Variants in AKAP11 observed in about 807,000 individuals in gnomAD.
The protein encoded by AKAP11 is A-kinase anchor protein 11.
In AKAP11, 36 loss-of-function variants were observed where a neutral mutation model predicts 146.1. That is an observed-to-expected ratio of 0.25 (90% CI 0.19 to 0.33). The LOEUF (loss-of-function observed/expected upper bound fraction) is 0.33, where lower values mean the gene tolerates loss of function less well. Ranked by LOEUF, AKAP11 falls within the 10% of genes least tolerant of loss-of-function variation. The pLI is 1.00. For synonymous variants in AKAP11, 780 were observed against 786.5 expected (o/e 0.99, Z 0.14); for missense variants, 2,201 against 2,197.0 (o/e 1.00, Z -0.04).
rs1049203809 is a variant in AKAP11 at position 42,312,099 on chromosome 13, T to C, written c.5274-948T>C. On this transcript the variant is annotated intron_variant, in intron 9 of 12. Coordinates refer to ENST00000025301, the MANE Select transcript of AKAP11 (RefSeq NM_016248.4). The stretch of plus-strand genomic sequence containing the variant: ...GAACCAAAATTTTGGTTTGTATAAA[T>C]ATTACTTTTTATAATTGCCTAGCAT... Among the ~76,000 whole-genome samples the C allele has an allele frequency of 5.9e-5, 9 of 152,304 alleles. No homozygotes were observed. The East Asian group carries it at 1.7e-3, about 29-fold the overall frequency.
chr13:42,281,430 T>G (rs1959056234), intron 1 of AKAP11, among the ~76,000 whole-genome samples: 1 of 151,830 alleles, frequency 6.6e-6, no homozygotes, highest in Non-Finnish European at 1.5e-5. Flanking sequence ...AGGAAGAGAG[T>G]CAAGATATGG....
In AKAP11 at chr13:42,302,189, G is replaced by A. The variant is rs1403476629; in HGVS notation, c.3443G>A (p.Ser1148Asn). The change falls in exon 8 of 13, where the codon AGT becomes AAT. Residue 1148 changes from serine (S) to asparagine (N), a missense_variant. Coordinates refer to ENST00000025301, the MANE Select transcript of AKAP11 (RefSeq NM_016248.4). ...PSTPHNSSVGSLSENEQNTIE... is the reference protein window; with the variant it reads ...PSTPHNSSVGNLSENEQNTIE... ...ACTCCACACAACTCATCTGTTGGTA[G>A]TTTGTCTGAGAATGAACAAAATACT... The A allele has an allele frequency of 4.3e-6, 7 of 1,614,064 alleles. No homozygotes were observed. The highest frequency in any genetic ancestry group is 4.0e-5 in the African/African-American group (3 of 74,946).
chr13:42,297,233 T>C (rs1959569083), intron 6 of AKAP11, 51 bp downstream of exon 6: 1 of 1,314,614 alleles, frequency 7.6e-7, no homozygotes, highest in African/African-American at 1.5e-5. Context: ...AATTTTACTA[T>C]ATTTGATAAA....
At chr13:42,289,450 TTTTA>T in intron 3 of AKAP11, among the ~76,000 whole-genome samples, 1 of 152,326 alleles carries the variant, frequency 6.6e-6, no homozygotes. Context: ...TTTTATAACC[TTTTA>T]TTTCTTTACA....
intron 1 of AKAP11, among the ~76,000 whole-genome samples, chr13:42,275,635 TGTTCTAACCA>T: frequency 6.6e-6 from 1 of 152,240 alleles, no homozygotes; most frequent in East Asian, 1.9e-4. Flanking sequence ...AGCTTGGTAA[TGTTCTAACCA>T]GATCTAACCA....
At chr13:42,295,803 G>A in intron 5 of AKAP11, 61 bp downstream of exon 5, 1 of 1,490,272 alleles carries the variant, frequency 6.7e-7, no homozygotes, top group South Asian at 1.2e-5. Flanking sequence ...CTTTAGGTTT[G>A]ACCACAAAAG....
chr13:42,287,228 C>T (rs9525603), intron 3 of AKAP11, among the ~76,000 whole-genome samples: 19,453 of 151,984 alleles, frequency 0.13, 1,388 homozygotes, highest in South Asian at 0.2. Context: ...GGATGGCTTC[C>T]AAATCTACAG....
chr13:42,291,395 G>T (rs766624415), intron 3 of AKAP11, among the ~76,000 whole-genome samples: 3 of 152,184 alleles, frequency 2.0e-5, no homozygotes, highest in Non-Finnish European at 4.4e-5. Flanking sequence ...TGGGATTACA[G>T]GCACGTGGCA....
chr13:42,318,673 ATGT>A (rs1960943706), intron 12 of AKAP11, among the ~76,000 whole-genome samples: 1 of 152,228 alleles, frequency 6.6e-6, no homozygotes, highest in South Asian at 2.1e-4. Context: ...GCCACACTAT[ATGT>A]TGTGGAAGGA....
Position 42,299,438 on chromosome 13 carries a change from A to T in AKAP11, c.692A>T (p.His231Leu), listed in dbSNP as rs374058376. 1.2e-6 allele frequency: 2 copies of T among 1,613,782 alleles called. No homozygotes were observed. Among genetic ancestry groups the T allele is most frequent in the African/African-American group, 2.7e-5 (2 of 74,916 alleles). Reference protein sequence around the residue: ...QTVTGHHLETHDLKILISSGQ... With the variant: ...QTVTGHHLETLDLKILISSGQ... ...GTTACTGGTCATCATTTAGAAACCC[A>T]TGATTTAAAGATTCTCATTAGCTCT... The change falls in exon 8 of 13, where the codon CAT becomes CTT. Residue 231 changes from histidine (H) to leucine (L), a missense_variant. By Grantham distance (99) the His-to-Leu change is moderately conservative. Coordinates refer to ENST00000025301, the MANE Select transcript of AKAP11 (RefSeq NM_016248.4).
At chr13:42,298,848 G>A (rs1193079972) in intron 7 of AKAP11, 51 bp downstream of exon 7, 1 of 1,519,828 alleles carries the variant, frequency 6.6e-7, no homozygotes, top group Non-Finnish European at 8.7e-7. Flanking sequence ...AAATTTTTCA[G>A]TTTTGAAAAT....
chr13:42,300,430 T>A lies in AKAP11; in HGVS notation c.1684T>A (p.Phe562Ile), dbSNP rs773373554. The change falls in exon 8 of 13, where the codon TTT becomes ATT. Residue 562 changes from phenylalanine (F) to isoleucine (I), a missense_variant. By Grantham distance (21) the Phe-to-Ile change is conservative (BLOSUM62 0). Transcript: ENST00000025301. ...KFAADLVEKS[F>I]GSAFKDLQKG... ...TGCAGCAGATCTTGTGGAAAAAAGT[T>A]TTGGCAGTGCATTTAAAGACTTACA... 1.9e-6 allele frequency: 3 copies of A among 1,613,566 alleles called. No homozygotes were observed. The highest frequency in any genetic ancestry group is 1.7e-5 in the Admixed American group (1 of 59,956).
intron 1 of AKAP11, among the ~76,000 whole-genome samples, chr13:42,274,105 GTGT>G (rs774280823): frequency 1.3e-5 from 2 of 152,168 alleles, no homozygotes; most frequent in Non-Finnish European, 2.9e-5. Flanking sequence ...AGGGCGTGTG[GTGT>G]TTGGTTTTTC....
chr13:42,278,170 A>G (rs1380680246), intron 1 of AKAP11, among the ~76,000 whole-genome samples: 1 of 152,208 alleles, frequency 6.6e-6, no homozygotes, highest in Non-Finnish European at 1.5e-5. Context: ...TAGCGGTAAG[A>G]ACATATATAT....
At chr13:42,310,437 C>G (rs988304023) in intron 9 of AKAP11, among the ~76,000 whole-genome samples, 1 of 152,194 alleles carries the variant, frequency 6.6e-6, no homozygotes, top group African/African-American at 2.4e-5. Context: ...GATTTCAGTG[C>G]AGGTGATTCA....
chr13:42,299,292 C>T (rs1566270591), intron 7 of AKAP11, 71 bp from the exon 8 acceptor site: 2 of 1,300,228 alleles, frequency 1.5e-6, no homozygotes, highest in East Asian at 2.5e-5. Flanking sequence ...TCAGTTTATT[C>T]CATGGATTTA....
rs117775594 is a variant in AKAP11 at position 42,292,134 on chromosome 13, A to T, written c.52-251A>T. 2.6e-4 allele frequency among the ~76,000 whole-genome samples: 40 copies of T among 152,296 alleles called. 2 individuals carry two copies. The East Asian group carries it at 7.3e-3, about 28-fold the overall frequency. ...GTAAGTGAACCTGGTATGAGATCTC[A>T]CGTGATCTTCTAGTGAGTTGAATGC... On this transcript the variant is annotated intron_variant, in intron 3 of 12. Coordinates refer to ENST00000025301, the MANE Select transcript of AKAP11 (RefSeq NM_016248.4).
rs201895105 is a variant in AKAP11 at position 42,278,931 on chromosome 13, CT to C, written c.-100+6715del. Among the ~76,000 whole-genome samples the C allele has an allele frequency of 3.6e-3, 515 of 141,588 alleles. 2 individuals are homozygous for C. The highest frequency in any genetic ancestry group is 0.01 in the East Asian group (50 of 4,992). The allele number at this position is 141,588 out of a possible 152,430, so 92.9% of individuals were successfully genotyped here. A position where few individuals can be genotyped will look rare whatever the true frequency, so the allele number is the denominator to read the frequency against. On this transcript the variant is annotated intron_variant, in intron 1 of 12. Transcript: ENST00000025301. The stretch of plus-strand genomic sequence containing the variant: ...TTCATTGAGTATATCTGGGTTGATG[CT>C]TTTTTTTTTTTCTTCTTCTTAGTAC...
intron 8 of AKAP11, among the ~76,000 whole-genome samples, 181 bp from the exon 9 acceptor site, chr13:42,308,273 T>C (rs1566287136): frequency 6.6e-6 from 1 of 152,164 alleles, no homozygotes. Flanking sequence ...ACTTTGAAAT[T>C]AATACGCTAT....
Sources: gnomAD v4.1 joint callset for allele counts (sites outside exome capture counted in the v4.1 genomes callset) on GRCh38, gnomAD v4.1.1 for gene constraint, MANE v1.5 for transcripts, NCBI Gene and HGNC (gene_info 2026-07-23, HGNC 2026-07-21) for gene names.